CECR2: variants seen among roughly 807,000 people sequenced by gnomAD.
The protein encoded by CECR2 is chromatin remodeling regulator CECR2.
Under a neutral mutation model 154.5 loss-of-function variants are expected in CECR2, and 30 were observed. The observed-to-expected ratio is 0.19, with a 90% CI of 0.15 to 0.26. CECR2 has a LOEUF of 0.26. CECR2 is among the 10% of genes least tolerant of loss of function. The pLI is 1.00. For synonymous variants in CECR2, 725 were observed against 683.7 expected (o/e 1.06, Z -0.94); for missense variants, 1,743 against 1,829.3 (o/e 0.95, Z 0.86).
At chr22:17,426,357 A>T (rs5746374) in intron 1 of CECR2, among the ~76,000 whole-genome samples, 50 of 149,512 alleles carry the variant, frequency 3.3e-4, no homozygotes, top group African/African-American at 1.1e-3. Flanking sequence ...TATTCTTTTA[A>T]TTTTTTTTTT....
chr22:17,467,969 C>T (rs949278236), intron 1 of CECR2, among the ~76,000 whole-genome samples: 5 of 152,132 alleles, frequency 3.3e-5, no homozygotes, highest in Non-Finnish European at 5.9e-5. Context: ...TGTATACTGT[C>T]CCAGAAACAG....
chr22:17,524,532 A>G (rs1257412110), intron 9 of CECR2, among the ~76,000 whole-genome samples: 5 of 135,770 alleles, frequency 3.7e-5, no homozygotes, highest in African/African-American at 1.4e-4. Context: ...AGCTGGGACT[A>G]CAGGTGCCCA....
intron 7 of CECR2, 42 bp from the exon 8 acceptor site, chr22:17,511,771 C>G: frequency 6.4e-7 from 1 of 1,556,238 alleles, no homozygotes; most frequent in Non-Finnish European, 8.8e-7. Context: ...TGAGAACACC[C>G]TAATCTATCT....
intron 1 of CECR2, among the ~76,000 whole-genome samples, chr22:17,370,470 C>G (rs547943128): frequency 6.6e-6 from 1 of 151,832 alleles, no homozygotes; most frequent in African/African-American, 2.4e-5. Context: ...AACTTCGGGC[C>G]GGTGGGGACC....
intron 1 of CECR2, among the ~76,000 whole-genome samples, chr22:17,381,423 A>G (rs1399397858): frequency 6.6e-6 from 1 of 152,126 alleles, no homozygotes; most frequent in Non-Finnish European, 1.5e-5. Flanking sequence ...TGCATAGGCC[A>G]GTTTTAGTGC....
intron 2 of CECR2, among the ~76,000 whole-genome samples, chr22:17,482,390 C>CTCCATA (rs577633500): frequency 2.1e-3 from 320 of 152,294 alleles, no homozygotes; most frequent in African/African-American, 7.4e-3. Context: ...TGCCACCGTA[C>CTCCATA]TCCAGCCTGG....
intron 1 of CECR2, among the ~76,000 whole-genome samples, chr22:17,460,117 AGTTTG>A (rs530807943): frequency 9.6e-4 from 146 of 152,284 alleles, no homozygotes; most frequent in South Asian, 5.2e-3. Flanking sequence ...CCCAGAAGGC[AGTTTG>A]GTGTCTTTGA....
At chr22:17,429,712 G>T (rs979693514) in intron 1 of CECR2, among the ~76,000 whole-genome samples, 4 of 152,166 alleles carry the variant, frequency 2.6e-5, no homozygotes, top group African/African-American at 7.2e-5. Flanking sequence ...AACCATTTAG[G>T]TTGATGGTGG....
intron 2 of CECR2, among the ~76,000 whole-genome samples, chr22:17,482,239 A>G (rs986824935): frequency 5.3e-5 from 8 of 150,748 alleles, no homozygotes; most frequent in East Asian, 2.0e-4. Context: ...CCTGGCTAAC[A>G]TGGTGAAACC....
chr22:17,424,902 A>G (rs777602015), intron 1 of CECR2: 21 of 152,210 alleles, frequency 1.4e-4, no homozygotes, highest in Non-Finnish European at 2.4e-4. Flanking sequence ...AATGTAAGAA[A>G]TATTGATTGC....
intron 1 of CECR2, among the ~76,000 whole-genome samples, chr22:17,364,068 G>T (rs1481105900): frequency 6.6e-6 from 1 of 151,904 alleles, no homozygotes; most frequent in Non-Finnish European, 1.5e-5. Context: ...ATACTCCCGG[G>T]CGCGGTGGCT....
At chr22:17,517,809 C>A (rs536405379) in intron 8 of CECR2, among the ~76,000 whole-genome samples, 2 of 152,320 alleles carry the variant, frequency 1.3e-5, no homozygotes, top group South Asian at 4.1e-4. Flanking sequence ...CCGAAGTCAT[C>A]GTACATAACA....
At chr22:17,365,433 G>A (rs1265188079), upstream of CECR2, among the ~76,000 whole-genome samples, 3 of 152,132 alleles carry the variant, frequency 2.0e-5, no homozygotes, top group Admixed American at 2.0e-4. Context: ...AGTGGCTCAC[G>A]CCTGTAATCC....
In CECR2 at chr22:17,414,464, T is replaced by C. The variant is rs75569888; in HGVS notation, c.126+44555T>C. On this transcript the variant is annotated intron_variant, in intron 1 of 18. Coordinates refer to ENST00000262608, the MANE Select transcript of CECR2 (RefSeq NM_001290047.2). Reference sequence around the variant, plus strand: ...CACTCAGTTTCTTTTTTCTTTTTTTTTTTTTTAGAACGAAACCCATTTATT... The same window carrying C: ...CACTCAGTTTCTTTTTTCTTTTTTTCTTTTTTAGAACGAAACCCATTTATT... 6.4e-3 allele frequency among the ~76,000 whole-genome samples: 977 copies of C among 151,614 alleles called. 10 individuals carry two copies. Among genetic ancestry groups the C allele is most frequent in the African/African-American group, 0.023 (933 of 41,380 alleles).
intron 1 of CECR2, among the ~76,000 whole-genome samples, chr22:17,445,539 ATACTTTAT>A (rs2054645332): frequency 1.5e-5 from 2 of 129,920 alleles, no homozygotes; most frequent in Non-Finnish European, 3.2e-5. Flanking sequence ...ATTCTGCTCT[ATACTTTAT>A]TATTATTATT....
At chr22:17,552,773 A>AGTTTTTTTTTTTTTT (rs1555936307) in intron 18 of CECR2, 62 bp from the exon 19 acceptor site, 3 of 395,822 alleles carry the variant, frequency 7.6e-6, no homozygotes, top group African/African-American at 6.6e-5. Flanking sequence ...GGCTTACTTA[A>AGTTTTTTTTTTTTTT]GTTTTTTTTT....
chr22:17,435,049 A>AGG (rs2054482601), intron 1 of CECR2, among the ~76,000 whole-genome samples: 2 of 152,090 alleles, frequency 1.3e-5, no homozygotes, highest in Non-Finnish European at 2.9e-5. Context: ...ATGTGCAGTT[A>AGG]ATGAGTTGGA....
chr22:17,442,531 C>G (rs747637741), intron 1 of CECR2, among the ~76,000 whole-genome samples: 2 of 152,126 alleles, frequency 1.3e-5, no homozygotes, highest in African/African-American at 2.4e-5. Flanking sequence ...GAGCTTTGAT[C>G]ACACCACAGG....
In CECR2 at chr22:17,374,113, C is replaced by T. The variant is rs2063090516; in HGVS notation, c.126+4204C>T. 3.3e-5 allele frequency among the ~76,000 whole-genome samples: 5 copies of T among 152,206 alleles called. No individual in the cohort carries two copies. In the South Asian group the frequency reaches 8.3e-4, roughly 25 times the overall value. ...CTGTAGGTGGCCGTTGCAAAATGGT[C>T]GTGTAGAATTATTTGAATGGTTTGT... On this transcript the variant is annotated intron_variant, in intron 1 of 18. Coordinates refer to ENST00000262608, the MANE Select transcript of CECR2 (RefSeq NM_001290047.2).
Sources: allele counts gnomAD v4.1 joint callset (sites outside exome capture counted in the v4.1 genomes callset), GRCh38; gene constraint gnomAD v4.1.1; transcripts MANE v1.5; gene names NCBI Gene and HGNC (gene_info 2026-07-23, HGNC 2026-07-21).